The following OCA2 variants were observed in gnomAD, a reference collection of about 807,000 sequenced individuals.
OCA2 encodes P protein.
In OCA2, 77 loss-of-function variants were observed where a neutral mutation model predicts 100.2. The ratio of observed to expected loss-of-function variants is 0.77; its 90% CI spans 0.64 to 0.93. The LOEUF (loss-of-function observed/expected upper bound fraction) is 0.93, where lower values mean the gene tolerates loss of function less well. Among genes scored for constraint, OCA2 ranks in the 40% least tolerant of loss-of-function variants. The pLI, the probability that OCA2 is intolerant of heterozygous loss-of-function variation, is 0.00. For synonymous variants in OCA2, 432 were observed against 439.2 expected, an observed-to-expected ratio of 0.98 and a Z score of 0.21; for missense variants, 1,062 against 1,089.1, an observed-to-expected ratio of 0.98 and a Z score of 0.35.
In OCA2 at chr15:28,072,544, C is replaced by T. The variant is rs186439249; in HGVS notation, c.227+9104G>A. Among the ~76,000 whole-genome samples, 472 of 144,422 alleles carry T rather than the reference C, an allele frequency of 3.3e-3. 3 individuals carry two copies. The highest frequency in any genetic ancestry group is 0.012 in the African/African-American group (454 of 38,472). 94.7% of individuals were successfully genotyped at this position (144,422 alleles called of 152,430 possible). The stretch of plus-strand genomic sequence containing the variant: ...GGCAGAGCTTGCAGTGAGCTGAGAT[C>T]GCATCACTGCACTCCAGCCTGGGCG... On this transcript the variant is annotated intron_variant, in intron 2 of 23. Transcript: ENST00000354638.
intron 19 of OCA2, among the ~76,000 whole-genome samples, chr15:27,925,654 T>C (rs1309502082): frequency 6.6e-6 from 1 of 152,184 alleles, no homozygotes; most frequent in Non-Finnish European, 1.5e-5. Flanking sequence ...AGGACACAAA[T>C]TTATAAATGA....
At chr15:27,747,751 A>T in the OCA2 span, among the ~76,000 whole-genome samples, 2 of 56,460 alleles carry the variant, frequency 3.5e-5, no homozygotes, top group Non-Finnish European at 1.0e-4. Context: ...ATATCTATTA[A>T]AAAAAATGAG....
intron 23 of OCA2, among the ~76,000 whole-genome samples, chr15:27,832,321 T>C (rs1017854525): frequency 8.5e-5 from 13 of 152,286 alleles, no homozygotes; most frequent in Admixed American, 2.6e-4. Flanking sequence ...CTCTAACCTG[T>C]CCATTCCACT....
At position 28,081,701 on chromosome 15, in the gene OCA2, C is replaced by G; in HGVS notation, c.174G>C (p.Gln58His). ...SHSCPRGAAG[Q>H]SSWAPAGQEF... ...CCTGGCCTGCAGGAGCCCAAGAGCT[C>G]TGCCCGGCAGCCCCCCTGGGGCAGG... The change falls in exon 2 of 24, where the codon CAG becomes CAC. Residue 58 changes from glutamine to histidine, a missense_variant. Physicochemically the swap from Gln to His is conservative, Grantham distance 24. Transcript: ENST00000354638. 1 of 1,613,866 alleles carries G rather than the reference C, an allele frequency of 6.2e-7. No individual in the cohort carries two copies. Among genetic ancestry groups the G allele is most frequent in the African/African-American group, 1.3e-5 (1 of 75,072 alleles).
chr15:27,913,508 G>A (rs564249915), intron 19 of OCA2, among the ~76,000 whole-genome samples: 4 of 151,946 alleles, frequency 2.6e-5, no homozygotes, highest in South Asian at 2.1e-4. Flanking sequence ...ATTTCTCCAC[G>A]TGTTTTGCAA....
At chr15:28,021,658 G>A (rs376986961) in intron 6 of OCA2, among the ~76,000 whole-genome samples, 3 of 152,172 alleles carry the variant, frequency 2.0e-5, no homozygotes, top group Non-Finnish European at 2.9e-5. Context: ...GGAAGATCCC[G>A]GGAAAGCATC....
chr15:27,815,895 G>T (rs1047591163), intron 23 of OCA2, among the ~76,000 whole-genome samples: 1 of 152,222 alleles, frequency 6.6e-6, no homozygotes, highest in South Asian at 2.1e-4. Flanking sequence ...ACTTTGGGAG[G>T]CTGAGGCGGG....
intron 14 of OCA2, among the ~76,000 whole-genome samples, chr15:27,979,868 G>GTTTTTT (rs35266057): frequency 1.9e-5 from 2 of 108,004 alleles, no homozygotes; most frequent in African/African-American, 3.5e-5. Flanking sequence ...CCCAGCTAGT[G>GTTTTTT]TTTTTTTTTT....
chr15:27,833,006 G>A (rs995509686), intron 23 of OCA2, among the ~76,000 whole-genome samples: 2 of 151,750 alleles, frequency 1.3e-5, no homozygotes, highest in Non-Finnish European at 2.9e-5. Flanking sequence ...AGTAGAGACG[G>A]GGCTTCACCA....
intron 21 of OCA2, among the ~76,000 whole-genome samples, chr15:27,870,110 C>T (rs1479627523): frequency 6.6e-6 from 1 of 152,216 alleles, no homozygotes. Context: ...CTGCATGAGC[C>T]TGGCCTGCCC....
the OCA2 span, among the ~76,000 whole-genome samples, chr15:27,728,397 T>C: frequency 6.7e-5 from 9 of 133,482 alleles, no homozygotes; most frequent in Non-Finnish European, 1.3e-4. Context: ...TCTTACCCCC[T>C]TTTTTTTTTC....
At position 28,009,014 on chromosome 15, in the gene OCA2, AATTCT is replaced by A. The variant is rs2042162869; in HGVS notation, c.1044+5757_1044+5761del. On this transcript the variant is annotated intron_variant, in intron 9 of 23. Coordinates refer to ENST00000354638, the MANE Select transcript of OCA2 (RefSeq NM_000275.3). ...AACTTCTGAGTCATTGCCCAAGGCAAATTCTACCCCTAGAGTAGATCCTAGGAATA... is the reference window on the plus strand; with the variant it reads ...AACTTCTGAGTCATTGCCCAAGGCAAACCCCTAGAGTAGATCCTAGGAATA... 2.0e-5 allele frequency among the ~76,000 whole-genome samples: 3 copies of A among 152,236 alleles called. No individual in the cohort carries two copies. The South Asian group carries it at 6.2e-4, about 31-fold the overall frequency.
At chr15:27,934,717 G>A (rs1010197418) in intron 18 of OCA2, among the ~76,000 whole-genome samples, 1 of 152,160 alleles carries the variant, frequency 6.6e-6, no homozygotes, top group Non-Finnish European at 1.5e-5. Flanking sequence ...CTTATCAATT[G>A]TGGAGGCCTG....
intron 2 of OCA2, among the ~76,000 whole-genome samples, chr15:28,037,104 G>A (rs2043066799): frequency 6.6e-6 from 1 of 152,084 alleles, no homozygotes; most frequent in African/African-American, 2.4e-5. Context: ...AAGGTCGAGA[G>A]CCAATGGCTC....
chr15:27,846,604 A>G (rs1190300836), intron 22 of OCA2, among the ~76,000 whole-genome samples: 1 of 152,230 alleles, frequency 6.6e-6, no homozygotes, highest in Non-Finnish European at 1.5e-5. Context: ...GGTCCTGCCC[A>G]GGTGGAGAGC....
At chr15:27,801,320 A>G (rs1301337714) in intron 23 of OCA2, among the ~76,000 whole-genome samples, 4 of 152,158 alleles carry the variant, frequency 2.6e-5, no homozygotes, top group African/African-American at 4.8e-5. Flanking sequence ...TTGGGAGGCC[A>G]AGGTGGGCAG....
At chr15:27,906,447 T>C (rs2038180350) in intron 19 of OCA2, among the ~76,000 whole-genome samples, 1 of 151,736 alleles carries the variant, frequency 6.6e-6, no homozygotes, top group South Asian at 2.1e-4. Context: ...TAAAAATGAA[T>C]AAGTAAATAG....
At chr15:28,066,157 C>CA (rs2044017389) in intron 2 of OCA2, among the ~76,000 whole-genome samples, 2 of 152,088 alleles carry the variant, frequency 1.3e-5, no homozygotes, top group Admixed American at 1.3e-4. Flanking sequence ...ACAACAACAC[C>CA]AAAAAATGAG....
chr15:27,903,561 C>A (rs1283524300), intron 19 of OCA2, among the ~76,000 whole-genome samples: 1 of 152,176 alleles, frequency 6.6e-6, no homozygotes, highest in Non-Finnish European at 1.5e-5. Flanking sequence ...GAGAAGAAAA[C>A]CCTGGAAAGT....
Sources: gnomAD v4.1 joint callset for allele counts (sites outside exome capture counted in the v4.1 genomes callset) on GRCh38, gnomAD v4.1.1 for gene constraint, MANE v1.5 for transcripts, NCBI Gene and HGNC (gene_info 2026-07-23, HGNC 2026-07-21) for gene names.